EYA1: variants seen among roughly 807,000 people sequenced by gnomAD.
EYA1 encodes protein phosphatase EYA1.
A neutral mutation model predicts 82.0 loss-of-function variants in EYA1; 16 were observed. That is an observed-to-expected ratio of 0.20 (90% CI 0.13 to 0.30). The LOEUF (loss-of-function observed/expected upper bound fraction) is 0.30. EYA1 is among the 10% of genes least tolerant of loss of function. The probability of loss-of-function intolerance (pLI) is 1.00; values close to 1 mark genes in which losing one functional copy is unlikely to be tolerated. For missense variants in EYA1, 633 were observed against 730.7 expected, an observed-to-expected ratio of 0.87 and a Z score of 1.54; for synonymous variants, 261 against 264.4, an observed-to-expected ratio of 0.99 and a Z score of 0.12.
intron 1 of EYA1, among the ~76,000 whole-genome samples, chr8:71,541,989 G>T (rs924936566): frequency 6.6e-6 from 1 of 152,130 alleles, no homozygotes; most frequent in Non-Finnish European, 1.5e-5. Flanking sequence ...TATTTTTGCT[G>T]TCCAAATTAA....
intron 2 of EYA1, among the ~76,000 whole-genome samples, chr8:71,400,596 G>A (rs934354117): frequency 2.4e-4 from 36 of 152,068 alleles, no homozygotes; most frequent in South Asian, 8.3e-4. Context: ...ATGCCATTTC[G>A]CATCAGTCAG....
chr8:71,274,872 G>C (rs1018475992), intron 9 of EYA1, among the ~76,000 whole-genome samples: 14 of 152,080 alleles, frequency 9.2e-5, no homozygotes, highest in Non-Finnish European at 2.1e-4. Flanking sequence ...GTGGGAGAGA[G>C]AGAGAGAGTG....
At position 71,319,134 on chromosome 8, in the gene EYA1, AT is replaced by A. The variant is rs112207518; in HGVS notation, c.419-1446del. Among the ~76,000 whole-genome samples the A allele has an allele frequency of 6.8e-3, 982 of 143,576 alleles. 7 individuals carry two copies. The highest frequency in any genetic ancestry group is 0.017 in the South Asian group (76 of 4,526). 94.2% of individuals were successfully genotyped at this position (143,576 alleles called of 152,430 possible). On this transcript the variant is annotated intron_variant, in intron 6 of 17. Transcript: ENST00000340726. Reference sequence around the variant, plus strand: ...CCAATAAAATACCAATAATTCATGTATTTTTTTTTTTTTTGAGACGGAGTCT... The same window carrying A: ...CCAATAAAATACCAATAATTCATGTATTTTTTTTTTTTTGAGACGGAGTCT...
chr8:71,411,935 T>A (rs1830613400), intron 2 of EYA1, among the ~76,000 whole-genome samples: 2 of 151,018 alleles, frequency 1.3e-5, no homozygotes, highest in South Asian at 2.1e-4. Flanking sequence ...CACACGTATG[T>A]TTATTGCAGC....
chr8:71,227,809 A>G (rs1585876221), intron 12 of EYA1, among the ~76,000 whole-genome samples: 1 of 152,106 alleles, frequency 6.6e-6, no homozygotes, highest in East Asian at 1.9e-4. Context: ...GTAAAGAAAT[A>G]TTTTCTTGTA....
chr8:71,459,557 T>C (rs1211834436), intron 2 of EYA1, among the ~76,000 whole-genome samples: 2 of 152,178 alleles, frequency 1.3e-5, no homozygotes, highest in Non-Finnish European at 2.9e-5. Context: ...TATACTTTTA[T>C]TTCTGCTATT....
chr8:71,317,435 C>T lies in EYA1; in HGVS notation c.556+117G>A, dbSNP rs909985555. On this transcript the variant is annotated intron_variant, in intron 7 of 17. Coordinates refer to ENST00000340726, the MANE Select transcript of EYA1 (RefSeq NM_000503.6). ...CAAACTAGAAGCAGGTGTCCTGCCT[C>T]TAAGCCCAATCCAGTTGCCATCATC... 47 of 1,120,458 alleles carry T rather than the reference C, an allele frequency of 4.2e-5. No individual in the cohort carries two copies. The South Asian group carries it at 5.6e-4, about 13-fold the overall frequency. The allele number at this position is 1,120,458 out of a possible 1,614,324, so 69.4% of individuals were successfully genotyped here.
intron 2 of EYA1, among the ~76,000 whole-genome samples, chr8:71,477,889 C>G (rs1339561063): frequency 2.6e-5 from 4 of 152,056 alleles, no homozygotes; most frequent in African/African-American, 9.7e-5. Flanking sequence ...GAATATTATT[C>G]AGCCATAAAA....
In EYA1 at chr8:71,361,981, G is replaced by C; in HGVS notation, c.-389C>G. 1 of 985,242 alleles carries C rather than the reference G, an allele frequency of 1.0e-6. No individual in the cohort carries two copies. The highest frequency in any genetic ancestry group is 1.7e-5 in the African/African-American group (1 of 57,276). The allele number at this position is 985,242 out of a possible 1,614,324, so 61.0% of individuals were successfully genotyped here. On this transcript the variant is annotated 5_prime_UTR_variant, in exon 1 of 18. Coordinates refer to ENST00000340726, the MANE Select transcript of EYA1 (RefSeq NM_000503.6). The stretch of plus-strand genomic sequence containing the variant: ...GAGTTTCTACCTCGCCCCAAACTCG[G>C]AGCCATCAGCTCCCACCGTTCTGTT...
At chr8:71,519,447 G>T (rs1210930485) in intron 2 of EYA1, among the ~76,000 whole-genome samples, 1 of 151,856 alleles carries the variant, frequency 6.6e-6, no homozygotes, top group African/African-American at 2.4e-5. Flanking sequence ...AAATAATTCA[G>T]GTATAAGTGA....
chr8:71,496,014 A>G (rs975444047), intron 2 of EYA1, among the ~76,000 whole-genome samples: 6 of 152,214 alleles, frequency 3.9e-5, no homozygotes, highest in African/African-American at 1.4e-4. Flanking sequence ...TTTTATTCTG[A>G]TACTACTAAA....
intron 12 of EYA1, among the ~76,000 whole-genome samples, chr8:71,235,136 G>A (rs1038944297): frequency 6.6e-6 from 1 of 152,164 alleles, no homozygotes; most frequent in Non-Finnish European, 1.5e-5. Context: ...TCCTAGGCTG[G>A]CTGAGACAGT....
At chr8:71,378,662 ATAATT>A (rs1477266258) in intron 2 of EYA1, among the ~76,000 whole-genome samples, 2 of 152,360 alleles carry the variant, frequency 1.3e-5, no homozygotes, top group Admixed American at 6.5e-5. Context: ...TTTATTATTT[ATAATT>A]TAAGGTTTGA....
intron 9 of EYA1, among the ~76,000 whole-genome samples, chr8:71,281,478 C>A (rs566066175): frequency 1.2e-3 from 184 of 152,356 alleles, no homozygotes; most frequent in African/African-American, 4.2e-3. Flanking sequence ...AATCATTAAA[C>A]CTCCATCTCT....
chr8:71,362,490 A>G (rs993777122), upstream of EYA1, among the ~76,000 whole-genome samples: 1 of 151,966 alleles, frequency 6.6e-6, no homozygotes, highest in African/African-American at 2.4e-5. Context: ...GGAATCCACT[A>G]CTTTTCATAA....
intron 2 of EYA1, among the ~76,000 whole-genome samples, chr8:71,369,465 A>C (rs1299763999): frequency 6.6e-6 from 1 of 152,192 alleles, no homozygotes; most frequent in Non-Finnish European, 1.5e-5. Context: ...TTGTCACAGT[A>C]CTTATTCTCT....
At chr8:71,490,623 AAAG>A (rs1471903236) in intron 2 of EYA1, among the ~76,000 whole-genome samples, 11 of 152,202 alleles carry the variant, frequency 7.2e-5, no homozygotes, top group Admixed American at 2.0e-4. Context: ...TATAGATATG[AAAG>A]AAGATTATTT....
intron 17 of EYA1, chr8:71,204,132 T>C (rs182072799): frequency 1.4e-4 from 22 of 152,260 alleles, no homozygotes; most frequent in Admixed American, 1.3e-4. Context: ...TTGAGAGAAG[T>C]AGGTATCAAG....
chr8:71,337,398 C>T (rs1370808358), intron 3 of EYA1, among the ~76,000 whole-genome samples: 1 of 152,164 alleles, frequency 6.6e-6, no homozygotes, highest in Non-Finnish European at 1.5e-5. Flanking sequence ...ATATATTCAT[C>T]CTTTAAAAAT....
Sources: allele counts gnomAD v4.1 joint callset (sites outside exome capture counted in the v4.1 genomes callset), GRCh38; gene constraint gnomAD v4.1.1; transcripts MANE v1.5; gene names NCBI Gene and HGNC (gene_info 2026-07-23, HGNC 2026-07-21).